Variants in TRPC6 observed in about 807,000 individuals in gnomAD.
TRPC6 encodes the protein transient receptor potential cation channel subfamily C member 6, also known as short transient receptor potential channel 6.
In TRPC6, 55 loss-of-function variants were observed where a neutral mutation model predicts 90.7. That is an observed-to-expected ratio of 0.61 (90% CI 0.49 to 0.76). The LOEUF (loss-of-function observed/expected upper bound fraction) is 0.76. Among genes scored for constraint, TRPC6 ranks in the 30% least tolerant of loss-of-function variants. TRPC6 has a pLI of 0.00. For missense variants in TRPC6, 989 were observed against 1,122.7 expected (o/e 0.88, Z 1.70); for synonymous variants, 393 against 393.0 (o/e 1.00, Z 0.00).
At chr11:101,582,414 C>T (rs1862217670) in intron 1 of TRPC6, among the ~76,000 whole-genome samples, 1 of 152,114 alleles carries the variant, frequency 6.6e-6, no homozygotes, top group African/African-American at 2.4e-5. Flanking sequence ...AGTCAGGAAA[C>T]TTGACTACCC....
intron 7 of TRPC6, among the ~76,000 whole-genome samples, chr11:101,473,308 G>T (rs1859336728): frequency 6.6e-6 from 1 of 152,094 alleles, no homozygotes; most frequent in Non-Finnish European, 1.5e-5. Context: ...CTCTAAAAAT[G>T]TAAGTTATTA....
intron 10 of TRPC6, among the ~76,000 whole-genome samples, chr11:101,464,277 G>A (rs1170325313): frequency 6.6e-6 from 1 of 152,164 alleles, no homozygotes; most frequent in Non-Finnish European, 1.5e-5. Flanking sequence ...CTGTTGATTT[G>A]GGGTGGAGAG....
chr11:101,529,570 A>T (rs1160496133), intron 1 of TRPC6, among the ~76,000 whole-genome samples: 1 of 152,240 alleles, frequency 6.6e-6, no homozygotes, highest in African/African-American at 2.4e-5. Flanking sequence ...AGATCGTCCT[A>T]CAGAATTTGA....
chr11:101,469,309 G>T, intron 10 of TRPC6, 118 bp downstream of exon 10: 1 of 651,170 alleles, frequency 1.5e-6, no homozygotes, highest in Non-Finnish European at 2.8e-6. Context: ...TAAAATAGTT[G>T]AATTATTTAA....
At chr11:101,557,789 T>C (rs1394681200) in intron 1 of TRPC6, among the ~76,000 whole-genome samples, 1 of 152,102 alleles carries the variant, frequency 6.6e-6, no homozygotes, top group Non-Finnish European at 1.5e-5. Flanking sequence ...GGGTAAATTA[T>C]TTAGGAGTAA....
intron 1 of TRPC6, among the ~76,000 whole-genome samples, chr11:101,524,579 A>G (rs4481994): frequency 0.25 from 38,100 of 152,272 alleles, 4,890 homozygotes; most frequent in Non-Finnish European, 0.25. Flanking sequence ...ATGTATTTAA[A>G]TCACAAATGT....
intron 1 of TRPC6, among the ~76,000 whole-genome samples, chr11:101,514,161 G>GTTCATTCA (rs762096606): frequency 6.6e-6 from 1 of 152,082 alleles, no homozygotes. Flanking sequence ...GATCGTAACA[G>GTTCATTCA]TTCATTCATT....
chr11:101,559,549 T>C (rs978348022), intron 1 of TRPC6, among the ~76,000 whole-genome samples: 3 of 152,154 alleles, frequency 2.0e-5, no homozygotes, highest in Non-Finnish European at 2.9e-5. Context: ...AGATAATTTA[T>C]TGGCAATTTG....
intron 1 of TRPC6, among the ~76,000 whole-genome samples, chr11:101,531,383 T>TTAC (rs1860909095): frequency 6.6e-6 from 1 of 152,214 alleles, no homozygotes; most frequent in Non-Finnish European, 1.5e-5. Context: ...GAACAGAGAC[T>TTAC]TGACCCCAGG....
chr11:101,494,801 GAC>G (rs1351840846), intron 2 of TRPC6, among the ~76,000 whole-genome samples: 1 of 152,020 alleles, frequency 6.6e-6, no homozygotes, highest in Non-Finnish European at 1.5e-5. Context: ...TAATTCCTAA[GAC>G]ATTTTCTTAA....
In TRPC6 at chr11:101,557,052, G is replaced by A. The variant is rs1049435939; in HGVS notation, c.170+26282C>T. The stretch of plus-strand genomic sequence containing the variant: ...CTTACCAGATTACGTATAGAAGAAA[G>A]GTACCTCAATAAAATAAAGATGGCT... On this transcript the variant is annotated intron_variant, in intron 1 of 12. Coordinates refer to ENST00000344327, the MANE Select transcript of TRPC6 (RefSeq NM_004621.6). Among the ~76,000 whole-genome samples the A allele has an allele frequency of 2.0e-5, 3 of 152,228 alleles. No homozygotes were observed. The East Asian group carries it at 5.8e-4, about 29-fold the overall frequency.
chr11:101,558,401 A>ATGTAT lies in TRPC6; in HGVS notation c.170+24932_170+24933insATACA, dbSNP rs1861631249. 3.5e-5 allele frequency among the ~76,000 whole-genome samples: 2 copies of ATGTAT among 57,154 alleles called. 1 individual carries two copies. The highest frequency in any genetic ancestry group is 1.6e-4 in the African/African-American group (2 of 12,848). The allele number at this position is 57,154 out of a possible 152,430, so 37.5% of individuals were successfully genotyped here. A position where few individuals can be genotyped will look rare whatever the true frequency, so the allele number is the denominator to read the frequency against. Reference sequence around the variant, plus strand: ...TATATGTATACATGTATACATATACACACACACATATACACACACACATAT... The same window carrying ATGTAT: ...TATATGTATACATGTATACATATACATGTATCACACACATATACACACACACATAT... On this transcript the variant is annotated intron_variant, in intron 1 of 12. Transcript: ENST00000344327.
At chr11:101,509,499 A>G (rs974061167) in intron 1 of TRPC6, among the ~76,000 whole-genome samples, 1 of 152,118 alleles carries the variant, frequency 6.6e-6, no homozygotes, top group Non-Finnish European at 1.5e-5. Flanking sequence ...ATCCAATACT[A>G]AGTTTACATT....
chr11:101,527,819 A>C (rs1473716263), intron 1 of TRPC6, among the ~76,000 whole-genome samples: 1 of 152,162 alleles, frequency 6.6e-6, no homozygotes, highest in Non-Finnish European at 1.5e-5. Context: ...CACACCTGTA[A>C]TCCCAGCACT....
At chr11:101,472,068 T>C (rs1051621481) in intron 8 of TRPC6, 69 bp downstream of exon 8, 2 of 1,459,004 alleles carry the variant, frequency 1.4e-6, no homozygotes, top group African/African-American at 1.4e-5. Context: ...TTCATCCCCA[T>C]TGCTGAGTTA....
In TRPC6 at chr11:101,496,712, C is replaced by A. The variant is rs146533986; in HGVS notation, c.946-4974G>T. Among the ~76,000 whole-genome samples the A allele has an allele frequency of 1.5e-3, 222 of 152,194 alleles. 1 individual carries two copies. Among genetic ancestry groups the A allele is most frequent in the African/African-American group, 4.9e-3 (202 of 41,540 alleles). On this transcript the variant is annotated intron_variant, in intron 2 of 12. Coordinates refer to ENST00000344327, the MANE Select transcript of TRPC6 (RefSeq NM_004621.6). ...CATTGAAGCTACGAAGCTTGGAGAG[C>A]GGCGATGAAGGTAAACAGATTGTTT...
chr11:101,523,825 T>G (rs1176668408), intron 1 of TRPC6, among the ~76,000 whole-genome samples: 1 of 152,246 alleles, frequency 6.6e-6, no homozygotes, highest in Non-Finnish European at 1.5e-5. Flanking sequence ...AACAAGGTTG[T>G]TTTAAAATTT....
intron 1 of TRPC6, among the ~76,000 whole-genome samples, chr11:101,580,330 C>T (rs1415257552): frequency 5.3e-5 from 8 of 152,128 alleles, no homozygotes; most frequent in Non-Finnish European, 1.0e-4. Flanking sequence ...CTTGGCAGGA[C>T]ATGGGCCTTT....
intron 1 of TRPC6, among the ~76,000 whole-genome samples, chr11:101,572,071 G>A (rs1187284531): frequency 6.6e-6 from 1 of 152,106 alleles, no homozygotes; most frequent in African/African-American, 2.4e-5. Flanking sequence ...ACTATCATCA[G>A]ATTGAATAGG....
Sources: gnomAD v4.1 joint callset for allele counts (sites outside exome capture counted in the v4.1 genomes callset) on GRCh38, gnomAD v4.1.1 for gene constraint, MANE v1.5 for transcripts, NCBI Gene and HGNC (gene_info 2026-07-23, HGNC 2026-07-21) for gene names.